The following IL5RA variants were observed in gnomAD, a reference collection of about 807,000 sequenced individuals.
IL5RA encodes interleukin 5 receptor subunit alpha, also known as interleukin-5 receptor subunit alpha.
A neutral mutation model predicts 50.0 loss-of-function variants in IL5RA; 49 were observed. That is an observed-to-expected ratio of 0.98 (90% confidence interval 0.78 to 1.24). The LOEUF is 1.24. Ranked by LOEUF, IL5RA falls within the 50% of genes most tolerant of loss-of-function variation. IL5RA has a pLI of 0.00. For synonymous variants in IL5RA, 202 were observed against 174.0 expected (o/e 1.16, Z -1.26); for missense variants, 600 against 500.4 (o/e 1.20, Z -1.90).
Position 3,068,696 on chromosome 3 carries a change from C to T in IL5RA, c.*1529G>A, listed in dbSNP as rs1702204643. On this transcript the variant is annotated 3_prime_UTR_variant, in exon 12 of 12. Coordinates refer to ENST00000446632, the MANE Select transcript of IL5RA (RefSeq NM_175726.4). Reference sequence around the variant, plus strand: ...TATTGCAGCACCTCCATGGGTGTTGCCTTCTCAGCCACACCCCTAAGCAGG... The same window carrying T: ...TATTGCAGCACCTCCATGGGTGTTGTCTTCTCAGCCACACCCCTAAGCAGG... 2 of 152,024 alleles carry T rather than the reference C, an allele frequency of 1.3e-5. No individual in the cohort carries two copies. The highest frequency in any genetic ancestry group is 1.9e-4 in the East Asian group (1 of 5,182). 9.4% of individuals were successfully genotyped at this position (152,024 alleles called of 1,614,324 possible).
intron 11 of IL5RA, chr3:3,073,649 G>C: frequency 3.3e-6 from 1 of 307,584 alleles, no homozygotes; most frequent in Non-Finnish European, 6.4e-6. Flanking sequence ...ATTGCTGAGA[G>C]AAGGTAAAGA....
At chr3:3,102,350 G>A (rs1703691073) in intron 4 of IL5RA, among the ~76,000 whole-genome samples, 1 of 152,194 alleles carries the variant, frequency 6.6e-6, no homozygotes, top group African/African-American at 2.4e-5. Flanking sequence ...GTTTTACTAG[G>A]CTACTGTCTC....
At chr3:3,075,844 CCCG>C in intron 10 of IL5RA, among the ~76,000 whole-genome samples, 1 of 152,140 alleles carries the variant, frequency 6.6e-6, no homozygotes, top group African/African-American at 2.4e-5. Flanking sequence ...TCATGGTCCA[CCCG>C]CTGTGGCCTC....
intron 9 of IL5RA, among the ~76,000 whole-genome samples, chr3:3,081,795 C>G (rs1374643045): frequency 6.6e-6 from 1 of 152,150 alleles, no homozygotes; most frequent in Non-Finnish European, 1.5e-5. Context: ...ATACAAGGTA[C>G]TACGTGAGAA....
chr3:3,101,839 A>G lies in IL5RA; in HGVS notation c.229-9T>C, dbSNP rs769147693. On this transcript the variant is annotated splice_polypyrimidine_tract_variant and intron_variant, in intron 4 of 11. Coordinates refer to ENST00000446632, the MANE Select transcript of IL5RA (RefSeq NM_175726.4). ...GTGATTCTGGTTTCATACTAAAAAT[A>G]AAACCCACAAGTCATGATACATAAA... The G allele has an allele frequency of 4.7e-5, 76 of 1,612,180 alleles. No individual in the cohort carries two copies. Among genetic ancestry groups the G allele is most frequent in the Non-Finnish European group, 6.2e-5 (73 of 1,178,980 alleles).
At position 3,068,658 on chromosome 3, in the gene IL5RA, A is replaced by G. The variant is rs1273299342; in HGVS notation, c.*1567T>C. The G allele has an allele frequency of 6.6e-6, 1 of 151,214 alleles. No individual in the cohort carries two copies. Among genetic ancestry groups the G allele is most frequent in the Non-Finnish European group, 1.5e-5 (1 of 67,994 alleles). 9.4% of individuals were successfully genotyped at this position (151,214 alleles called of 1,614,324 possible). A position where few individuals can be genotyped will look rare whatever the true frequency, so the allele number is the denominator to read the frequency against. ...TCATTTGAGTGACCAAACATTTTAA[A>G]CATTTTGCCAACTATTGCAGCACCT... is the stretch of plus-strand genomic sequence containing the variant. On this transcript the variant is annotated 3_prime_UTR_variant, in exon 12 of 12. Coordinates refer to ENST00000446632, the MANE Select transcript of IL5RA (RefSeq NM_175726.4).
chr3:3,078,359 C>G lies in IL5RA; in HGVS notation c.995-1732G>C, dbSNP rs373098741. Among the ~76,000 whole-genome samples, 26 of 152,230 alleles carry G rather than the reference C, an allele frequency of 1.7e-4. 1 individual carries two copies. The South Asian group carries it at 2.3e-3, about 13-fold the overall frequency. On this transcript the variant is annotated intron_variant, in intron 9 of 11. Coordinates refer to ENST00000446632, the MANE Select transcript of IL5RA (RefSeq NM_175726.4). ...GCCTTGTTCTCTTGCTTTTTTGCCT[C>G]CTGAGGACCCTTATCCAAGCTTTAT...
At chr3:3,075,829 T>A (rs1164672642) in intron 10 of IL5RA, among the ~76,000 whole-genome samples, 2 of 152,172 alleles carry the variant, frequency 1.3e-5, no homozygotes, top group East Asian at 3.9e-4. Flanking sequence ...CTCGATCTCC[T>A]GACCTCATGG....
intron 9 of IL5RA, chr3:3,090,290 T>C: frequency 7.0e-7 from 1 of 1,438,296 alleles, no homozygotes; most frequent in Non-Finnish European, 9.6e-7. Context: ...TGTCTGGGGA[T>C]ACACAATCAA....
rs562650597 is a variant in IL5RA, at chr3:3,097,802, T to C, written c.709+68A>G. On this transcript the variant is annotated intron_variant, in intron 7 of 11. Coordinates refer to ENST00000446632, the MANE Select transcript of IL5RA (RefSeq NM_175726.4). ...AAGCAGTAAAACTAGGTGATCTTTA[T>C]AACCCTTCCTTCCAGTGCTGAGATT... 5.2e-5 allele frequency: 79 copies of C among 1,513,360 alleles called. 2 individuals are homozygous for C. The South Asian group carries it at 9.9e-4, about 19-fold the overall frequency. The allele number at this position is 1,513,360 out of a possible 1,614,324, so 93.7% of individuals were successfully genotyped here. A position where few individuals can be genotyped will look rare whatever the true frequency, so the allele number is the denominator to read the frequency against.
In IL5RA at chr3:3,092,016, C is replaced by G. The variant is rs188037511; in HGVS notation, c.994+208G>C. ...CAGGCACCAGGTCTAGGAGAGTTGG[C>G]GCTAATGAGAAGCCTAGACACTTAA... On this transcript the variant is annotated intron_variant, in intron 9 of 11. Coordinates refer to ENST00000446632, the MANE Select transcript of IL5RA (RefSeq NM_175726.4). This position sits in a 1 kb window ranked among gnomAD's most constrained non-coding sequence, Gnocchi z 4.2. The G allele has an allele frequency of 2.3e-6, 3 of 1,283,404 alleles. No homozygotes were observed. Among genetic ancestry groups the G allele is most frequent in the Non-Finnish European group, 2.9e-6 (3 of 1,017,472 alleles). The allele number at this position is 1,283,404 out of a possible 1,614,324, so 79.5% of individuals were successfully genotyped here. A position where few individuals can be genotyped will look rare whatever the true frequency, so the allele number is the denominator to read the frequency against.
chr3:3,108,187 C>T (rs753904575), intron 2 of IL5RA, among the ~76,000 whole-genome samples: 2 of 152,088 alleles, frequency 1.3e-5, no homozygotes, highest in Admixed American at 1.3e-4. Flanking sequence ...GAAGAATAAA[C>T]CAAGGTATAA....
intron 3 of IL5RA, among the ~76,000 whole-genome samples, 175 bp downstream of exon 3, chr3:3,104,728 T>C (rs967786576): frequency 1.3e-5 from 2 of 152,218 alleles, no homozygotes; most frequent in African/African-American, 2.4e-5. Context: ...TCAGCCAACA[T>C]TGCTTTCTTA....
chr3:3,078,322 G>A (rs1392300078), intron 9 of IL5RA, among the ~76,000 whole-genome samples: 1 of 152,188 alleles, frequency 6.6e-6, no homozygotes, highest in Non-Finnish European at 1.5e-5. Flanking sequence ...TAATGCTAGT[G>A]ATTCCAGCCT....
rs147043062 is a variant in IL5RA, at chr3:3,083,822, G to A, written c.995-7195C>T. Among the ~76,000 whole-genome samples the A allele has an allele frequency of 4.7e-3, 709 of 152,318 alleles. 4 individuals are homozygous for A. The highest frequency in any genetic ancestry group is 0.024 in the Middle Eastern group (7 of 294). On this transcript the variant is annotated intron_variant, in intron 9 of 11. Transcript: ENST00000446632. ...CCAGCACTTTGGGAGGCCAAGGTGG[G>A]TGGATCACTTGAGGTCACGAGTTCA...
intron 3 of IL5RA, among the ~76,000 whole-genome samples, chr3:3,103,861 C>G (rs1395293006): frequency 6.6e-6 from 1 of 152,158 alleles, no homozygotes; most frequent in Non-Finnish European, 1.5e-5. Context: ...ATTGTACACA[C>G]AACTACAAAA....
chr3:3,098,211 G>A lies in IL5RA; in HGVS notation c.447C>T (p.Tyr149=). The A allele has an allele frequency of 6.2e-7, 1 of 1,614,074 alleles. No individual in the cohort carries two copies. The part of the protein sequence containing the change: ...TEDNYSRLRS[Y]QVSLHCTWLV... ...GCCAGGTGCAGTGAAGGGAAACTTG[G>A]TATGACCTTAAACGTGAATAATTGT... The change falls in exon 6 of 12, where the codon TAC becomes TAT. Residue 149 remains tyrosine (Y), a synonymous_variant. Transcript: ENST00000446632.
intron 11 of IL5RA, 115 bp from the exon 12 acceptor site, chr3:3,070,426 C>T: frequency 4.6e-6 from 3 of 652,880 alleles, no homozygotes; most frequent in Non-Finnish European, 8.0e-6. Flanking sequence ...TAAATGTTCA[C>T]AAAGAAGATG....
intron 2 of IL5RA, among the ~76,000 whole-genome samples, chr3:3,107,909 C>T (rs949352267): frequency 6.6e-6 from 1 of 152,190 alleles, no homozygotes; most frequent in South Asian, 2.1e-4. Context: ...GAAGTTCAGA[C>T]TTACAAATAT....
Sources: allele counts gnomAD v4.1 joint callset (sites outside exome capture counted in the v4.1 genomes callset), GRCh38; gene constraint gnomAD v4.1.1; non-coding constraint Gnocchi (gnomAD v3.1); transcripts MANE v1.5; gene names NCBI Gene and HGNC (gene_info 2026-07-23, HGNC 2026-07-21).